Variants in MYT1 observed in about 807,000 individuals in gnomAD.
MYT1 encodes myelin transcription factor 1, also known as myelin transcription factor I.
A neutral mutation model predicts 123.0 loss-of-function variants in MYT1; 23 were observed. The observed-to-expected ratio is 0.19, with a 90% confidence interval of 0.13 to 0.26. The LOEUF is 0.26. MYT1 is among the 10% of genes least tolerant of loss of function. MYT1 has a pLI of 1.00. For missense variants in MYT1, 1,125 were observed against 1,472.5 expected (o/e 0.76, Z 3.86); for synonymous variants, 518 against 575.3 (o/e 0.90, Z 1.43).
rs751043139 is a variant in MYT1, at chr20:64,192,001, C to T, written c.-1+1841C>T. ...ACGTTACTTGACTTGAGGCCAGGGGCTCTGCATGCAGCGTTATCTACAAAT... is the reference window on the plus strand; with the variant it reads ...ACGTTACTTGACTTGAGGCCAGGGGTTCTGCATGCAGCGTTATCTACAAAT... On this transcript the variant is annotated intron_variant, in intron 2 of 22. Coordinates refer to ENST00000328439, the MANE Select transcript of MYT1 (RefSeq NM_004535.3). This position sits in a 1 kb window ranked among gnomAD's most constrained non-coding sequence, Gnocchi z 5.3. 6.6e-6 allele frequency: 1 copy of T among 152,206 alleles called. No individual in the cohort carries two copies. Among genetic ancestry groups the T allele is most frequent in the Non-Finnish European group, 1.5e-5 (1 of 68,032 alleles). The allele number at this position is 152,206 out of a possible 1,614,324, so 9.4% of individuals were successfully genotyped here. A position where few individuals can be genotyped will look rare whatever the true frequency, so the allele number is the denominator to read the frequency against.
chr20:64,240,589 G>A lies in MYT1; in HGVS notation c.*141G>A, dbSNP rs1348232704. On this transcript the variant is annotated 3_prime_UTR_variant, in exon 23 of 23. Coordinates refer to ENST00000328439, the MANE Select transcript of MYT1 (RefSeq NM_004535.3). ...CGCGGGCGGGTTTATCCAAAGGGAT[G>A]GCTGGAAATTGGCCGCTCCCACGAG... is the stretch of plus-strand genomic sequence containing the variant. 3.9e-6 allele frequency: 5 copies of A among 1,280,620 alleles called. No homozygotes were observed. In the African/African-American group the frequency reaches 4.5e-5, roughly 12 times the overall value. The allele number at this position is 1,280,620 out of a possible 1,614,324, so 79.3% of individuals were successfully genotyped here.
intron 1 of MYT1, among the ~76,000 whole-genome samples, chr20:64,182,291 C>T (rs1305878490): frequency 6.6e-6 from 1 of 152,204 alleles, no homozygotes; most frequent in East Asian, 1.9e-4. Flanking sequence ...AGGGAAGTGG[C>T]GGCTGGAGCA....
intron 16 of MYT1, 125 bp from the exon 17 acceptor site, chr20:64,227,289 CA>C (rs551936681): frequency 1.4e-4 from 109 of 764,332 alleles, no homozygotes; most frequent in African/African-American, 1.4e-3. Flanking sequence ...CCTCTGCGGA[CA>C]AGGGAATGTG....
At position 64,208,042 on chromosome 20, in the gene MYT1, GGAGGAA is replaced by G. The variant is rs763476933; in HGVS notation, c.858_863del (p.Glu305_Glu306del). On this transcript the variant is annotated inframe_deletion, in exon 7 of 23. Coordinates refer to ENST00000328439, the MANE Select transcript of MYT1 (RefSeq NM_004535.3). The surrounding 1 kb of genome is among the most constrained non-coding windows in gnomAD (Gnocchi z 5.4). Reference sequence around the variant, plus strand: ...ATGAAGAAGAGGAAGAGGAAGAGGAGGAGGAAGAGGAAGAGGAGGAGGAGGAAGAGG... The same window carrying G: ...ATGAAGAAGAGGAAGAGGAAGAGGAGGAGGAAGAGGAGGAGGAGGAAGAGG... 2.4e-4 allele frequency: 386 copies of G among 1,596,068 alleles called. No homozygotes were observed. The highest frequency in any genetic ancestry group is 3.0e-4 in the Non-Finnish European group (352 of 1,169,770).
In MYT1 at chr20:64,189,338, GT is replaced by G. The variant is rs920977100; in HGVS notation, c.-98-724del. ...GGTTGTCATGGAAACGGGGAGTGACGTGCAGGGAATAGGTACACAATGCGTT... is the reference window on the plus strand; with the variant it reads ...GGTTGTCATGGAAACGGGGAGTGACGGCAGGGAATAGGTACACAATGCGTT... On this transcript the variant is annotated intron_variant, in intron 1 of 22. Coordinates refer to ENST00000328439, the MANE Select transcript of MYT1 (RefSeq NM_004535.3). The surrounding 1 kb of genome is among the most constrained non-coding windows in gnomAD (Gnocchi z 5.5). Among the ~76,000 whole-genome samples, 1 of 152,238 alleles carries G rather than the reference GT, an allele frequency of 6.6e-6. No homozygotes were observed. Among genetic ancestry groups the G allele is most frequent in the African/African-American group, 2.4e-5 (1 of 41,454 alleles).
intron 2 of MYT1, among the ~76,000 whole-genome samples, chr20:64,198,231 G>A (rs1439674824): frequency 1.4e-5 from 2 of 145,320 alleles, no homozygotes; most frequent in Non-Finnish European, 3.0e-5. Flanking sequence ...AGCTTGCAGT[G>A]AGCCGAGATC....
chr20:64,195,540 C>T (rs919979576), intron 2 of MYT1, among the ~76,000 whole-genome samples: 19 of 151,922 alleles, frequency 1.3e-4, no homozygotes, highest in Middle Eastern at 3.4e-3. Context: ...AGACTACAGG[C>T]GTGCACCACC....
At position 64,205,722 on chromosome 20, in the gene MYT1, G is replaced by C. The variant is rs1431565540; in HGVS notation, c.319G>C (p.Glu107Gln). The C allele has an allele frequency of 6.2e-7, 1 of 1,614,222 alleles. No individual in the cohort carries two copies. The change falls in exon 6 of 23, where the codon GAA becomes CAA. Residue 107 changes from glutamate (E) to glutamine (Q), a missense_variant. This residue lies in a region of MYT1 where 406 missense variants were observed against 432.2 expected (regional missense o/e 0.94). Transcript: ENST00000328439. ...GGTGAAGGACGCCTCTGTTTCGGATGAATCGGAAGGAACTCTGGAGGGGGC... is the reference window on the plus strand; with the variant it reads ...GGTGAAGGACGCCTCTGTTTCGGATCAATCGGAAGGAACTCTGGAGGGGGC... Reference protein sequence around the residue: ...TEVKDASVSDESEGTLEGAEA... With the variant: ...TEVKDASVSDQSEGTLEGAEA...
At chr20:64,181,106 C>T (rs1177825437) in intron 1 of MYT1, among the ~76,000 whole-genome samples, 1 of 152,122 alleles carries the variant, frequency 6.6e-6, no homozygotes. Flanking sequence ...TTCTAGTTAT[C>T]GGTTTTGTTT....
In MYT1 at chr20:64,232,811, T is replaced by C. The variant is rs1984362951; in HGVS notation, c.2897+426T>C. 6.6e-6 allele frequency among the ~76,000 whole-genome samples: 1 copy of C among 151,820 alleles called. No homozygotes were observed. Among genetic ancestry groups the C allele is most frequent in the African/African-American group, 2.4e-5 (1 of 41,296 alleles). Reference sequence around the variant, plus strand: ...CAGGAAAAGTTTGTCTCCTACACCTTATGCCCTGTCCGTCCCATTCATGCC... The same window carrying C: ...CAGGAAAAGTTTGTCTCCTACACCTCATGCCCTGTCCGTCCCATTCATGCC... On this transcript the variant is annotated intron_variant, in intron 19 of 22. Transcript: ENST00000328439. This position sits in a 1 kb window ranked among gnomAD's most constrained non-coding sequence, Gnocchi z 6.9.
chr20:64,218,847 G>C lies in MYT1; in HGVS notation c.1847-64G>C. 5 of 1,609,248 alleles carry C rather than the reference G, an allele frequency of 3.1e-6. No homozygotes were observed. The highest frequency in any genetic ancestry group is 4.2e-6 in the Non-Finnish European group (5 of 1,179,196). On this transcript the variant is annotated intron_variant, in intron 11 of 22. Coordinates refer to ENST00000328439, the MANE Select transcript of MYT1 (RefSeq NM_004535.3). The surrounding 1 kb of genome is among the most constrained non-coding windows in gnomAD (Gnocchi z 4.0). ...TTTTGCAGCCAAACCTTTCCCAAAG[G>C]CCTCTTCCCCCAGGCACAGCCCCTC...
intron 1 of MYT1, among the ~76,000 whole-genome samples, chr20:64,187,401 C>T (rs867457010): frequency 3.2e-4 from 48 of 150,764 alleles, no homozygotes; most frequent in Admixed American, 1.6e-3. Flanking sequence ...GGCACGTGGC[C>T]CCGGCATCCA....
In MYT1 at chr20:64,221,982, G is replaced by T. The variant is rs773731120; in HGVS notation, c.2331G>T (p.Gly777=). 2 of 1,613,638 alleles carry T rather than the reference G, an allele frequency of 1.2e-6. No individual in the cohort carries two copies. Among genetic ancestry groups the T allele is most frequent in the Non-Finnish European group, 1.7e-6 (2 of 1,180,022 alleles). The change falls in exon 14 of 23, where the codon GGG becomes GGT. Residue 777 remains glycine (G), a synonymous_variant. Transcript: ENST00000328439. ...ATTTTGAGGAGCGGAAGTATCCGGGGGAAGTCACCCTGACCAACTTTAAGC... is the reference window on the plus strand; with the variant it reads ...ATTTTGAGGAGCGGAAGTATCCGGGTGAAGTCACCCTGACCAACTTTAAGC... ...EENFEERKYP[G]EVTLTNFKLK... is the part of the protein sequence containing the mutation.
rs1047906580 is a variant in MYT1 at position 64,240,311 on chromosome 20, G to C, written c.3238-9G>C. On this transcript the variant is annotated splice_polypyrimidine_tract_variant and intron_variant, in intron 22 of 22. Transcript: ENST00000328439. ...GGACGGAGCTTGCTAACCTGGTTCT[G>C]TTCTCTAGGAGCCAATATGCGAACA... 1 of 1,613,146 alleles carries C rather than the reference G, an allele frequency of 6.2e-7. No homozygotes were observed.
Position 64,212,406 on chromosome 20 carries a change from G to C in MYT1, c.1517+268G>C, listed in dbSNP as rs1250036939. Among the ~76,000 whole-genome samples the C allele has an allele frequency of 2.6e-5, 4 of 152,190 alleles. No homozygotes were observed. Among genetic ancestry groups the C allele is most frequent in the Non-Finnish European group, 2.9e-5 (2 of 68,020 alleles). ...CCCAGCCTGCCGCCCTGAGGAGTGG[G>C]TACAAGGTCAGGGCACACCTGGGCG... On this transcript the variant is annotated intron_variant, in intron 9 of 22. Transcript: ENST00000328439. The surrounding 1 kb of genome is among the most constrained non-coding windows in gnomAD (Gnocchi z 6.8).
At chr20:64,194,146 G>A (rs1444541815) in intron 2 of MYT1, among the ~76,000 whole-genome samples, 1 of 152,212 alleles carries the variant, frequency 6.6e-6, no homozygotes, top group East Asian at 1.9e-4. Flanking sequence ...CAGCTGTCTG[G>A]AGGAGAGACA....
intron 16 of MYT1, among the ~76,000 whole-genome samples, chr20:64,223,952 T>C (rs1984089517): frequency 6.6e-6 from 1 of 152,038 alleles, no homozygotes; most frequent in Admixed American, 6.5e-5. Flanking sequence ...ACCTAACACA[T>C]GGGCAGGGCA....
intron 5 of MYT1, among the ~76,000 whole-genome samples, chr20:64,205,340 G>A (rs186267467): frequency 7.1e-6 from 1 of 140,272 alleles, no homozygotes; most frequent in Non-Finnish European, 1.6e-5. Flanking sequence ...TAGCATGGAG[G>A]TCCGTGTGGC....
intron 13 of MYT1, among the ~76,000 whole-genome samples, chr20:64,220,569 G>C (rs1287692771): frequency 6.6e-6 from 1 of 152,240 alleles, no homozygotes; most frequent in East Asian, 1.9e-4. Context: ...ATCCTCCGAG[G>C]CCACAGCCGG....
Sources: allele counts gnomAD v4.1 joint callset (sites outside exome capture counted in the v4.1 genomes callset), GRCh38; gene constraint gnomAD v4.1.1; regional missense constraint gnomAD v4.1.1; non-coding constraint Gnocchi (gnomAD v3.1); transcripts MANE v1.5; gene names NCBI Gene and HGNC (gene_info 2026-07-23, HGNC 2026-07-21).